Variants in IRF6 observed in about 807,000 individuals in gnomAD.
The protein encoded by IRF6 is interferon regulatory factor 6.
IRF6 carries 6 observed loss-of-function variants against 51.4 expected under a neutral mutation model. That is an observed-to-expected ratio of 0.12 (90% CI 0.06 to 0.23). The LOEUF (loss-of-function observed/expected upper bound fraction) is 0.23. Among genes scored for constraint, IRF6 ranks in the 10% least tolerant of loss-of-function variants. The pLI is 1.00. For missense variants in IRF6, 348 were observed against 585.2 expected, an observed-to-expected ratio of 0.59 and a Z score of 4.18; for synonymous variants, 178 against 215.7, an observed-to-expected ratio of 0.83 and a Z score of 1.53.
At chr1:209,795,532 A>G in intron 4 of IRF6, 114 bp from the exon 5 acceptor site, 1 of 1,480,138 alleles carries the variant, frequency 6.8e-7, no homozygotes, top group African/African-American at 1.4e-5. Flanking sequence ...CAGGTTCAGT[A>G]CACACCCTCA....
Position 209,790,426 on chromosome 1 carries a change from C to G in IRF6, c.1060+69G>C. ...GCCAGGAAAGCAGGAAGGTGAAAGA[C>G]AGGGATAGTGGAAGGAATGTACTTC... On this transcript the variant is annotated intron_variant, in intron 7 of 8. Transcript: ENST00000367021. This position sits in a 1 kb window ranked among gnomAD's most constrained non-coding sequence, Gnocchi z 4.8. 6.5e-7 allele frequency: 1 copy of G among 1,546,068 alleles called. No individual in the cohort carries two copies. The highest frequency in any genetic ancestry group is 8.9e-7 in the Non-Finnish European group (1 of 1,120,386).
intron 3 of IRF6, among the ~76,000 whole-genome samples, chr1:209,797,815 C>T (rs771510513): frequency 5.3e-5 from 8 of 152,196 alleles, no homozygotes; most frequent in Non-Finnish European, 1.2e-4. Context: ...CTAACAAGTT[C>T]TCTGATCTCT....
In IRF6 at chr1:209,790,305, C is replaced by T. The variant is rs1257971778; in HGVS notation, c.1060+190G>A. ...AAGTACATAGCTTTGGAGTGAAACT[C>T]CCTTCTTTGTTGCCTAGGTCACCTC... On this transcript the variant is annotated intron_variant, in intron 7 of 8. Transcript: ENST00000367021. This position sits in a 1 kb window ranked among gnomAD's most constrained non-coding sequence, Gnocchi z 4.8. 6.6e-6 allele frequency among the ~76,000 whole-genome samples: 1 copy of T among 152,210 alleles called. No individual in the cohort carries two copies. The highest frequency in any genetic ancestry group is 6.5e-5 in the Admixed American group (1 of 15,280).
chr1:209,796,710 C>T lies in IRF6; in HGVS notation c.175-158G>A, dbSNP rs60154756. Among the ~76,000 whole-genome samples the T allele has an allele frequency of 0.012, 1,751 of 151,376 alleles. 34 individuals carry two copies. The highest frequency in any genetic ancestry group is 0.039 in the African/African-American group (1,595 of 41,242). On this transcript the variant is annotated intron_variant, in intron 3 of 8. Transcript: ENST00000367021. This position sits in a 1 kb window ranked among gnomAD's most constrained non-coding sequence, Gnocchi z 4.5. Reference sequence around the variant, plus strand: ...CATGACTGCCCCATCATCCCAACCCCGATTTACAGAGACTGCAGCAGGAAA... The same window carrying T: ...CATGACTGCCCCATCATCCCAACCCTGATTTACAGAGACTGCAGCAGGAAA...
chr1:209,795,539 C>T (rs1022913921), intron 4 of IRF6, 121 bp from the exon 5 acceptor site: 2 of 1,414,646 alleles, frequency 1.4e-6, no homozygotes, highest in Middle Eastern at 2.4e-4. Flanking sequence ...AGTACACACC[C>T]TCAATGTCCT....
At chr1:209,795,441 C>T in intron 4 of IRF6, 23 bp from the exon 5 acceptor site, 1 of 1,613,236 alleles carries the variant, frequency 6.2e-7, no homozygotes, top group Non-Finnish European at 8.5e-7. Context: ...CACAAGCTCG[C>T]AGGTGAGCCA....
chr1:209,795,253 T>A, intron 5 of IRF6, 37 bp downstream of exon 5: 1 of 1,612,116 alleles, frequency 6.2e-7, no homozygotes, highest in South Asian at 1.1e-5. Flanking sequence ...CCTTACATCC[T>A]CCATATGTCT....
chr1:209,789,324 CAA>C (rs983621256), intron 8 of IRF6, among the ~76,000 whole-genome samples: 11 of 119,868 alleles, frequency 9.2e-5, no homozygotes, highest in South Asian at 2.7e-4. Context: ...ACCATGTCTC[CAA>C]AAAAAAAAAA....
At chr1:209,791,927 G>A (rs1040780785) in intron 6 of IRF6, among the ~76,000 whole-genome samples, 1 of 151,862 alleles carries the variant, frequency 6.6e-6, no homozygotes, top group Non-Finnish European at 1.5e-5. Flanking sequence ...CAGGGACCAT[G>A]GGCATGCACT....
rs1164474855 is a variant in IRF6 at position 209,785,969 on chromosome 1, CT to C, written c.*2450del. 1 of 152,180 alleles carries C rather than the reference CT, an allele frequency of 6.6e-6. No individual in the cohort carries two copies. 9.4% of individuals were successfully genotyped at this position (152,180 alleles called of 1,614,324 possible). ...TCTCCCAGTTTACCTCCAGTAGGTT[CT>C]TTTTAACTTGAACTAATCTTGTTTG... On this transcript the variant is annotated 3_prime_UTR_variant, in exon 9 of 9. Transcript: ENST00000367021.
At chr1:209,798,010 A>ATCCTTTGAGAGCTCTGATC (rs2077914546) in intron 3 of IRF6, among the ~76,000 whole-genome samples, 2 of 152,272 alleles carry the variant, frequency 1.3e-5, no homozygotes, top group South Asian at 4.1e-4. Flanking sequence ...TTTCTGCCCC[A>ATCCTTTGAGAGCTCTGATC]TCCTTTGAGA....
chr1:209,798,600 A>C lies in IRF6; in HGVS notation c.175-2048T>G, dbSNP rs147776589. Among the ~76,000 whole-genome samples, 1,394 of 152,298 alleles carry C rather than the reference A, an allele frequency of 9.2e-3. 17 individuals carry two copies. Among genetic ancestry groups the C allele is most frequent in the African/African-American group, 0.031 (1,307 of 41,560 alleles). On this transcript the variant is annotated intron_variant, in intron 3 of 8. Coordinates refer to ENST00000367021, the MANE Select transcript of IRF6 (RefSeq NM_006147.4). ...GATGCAGTGAAGAGCCGTATCGTTT[A>C]AGACTGGAACTTTAGAATCAAGAAA...
Position 209,797,757 on chromosome 1 carries a change from T to G in IRF6, c.175-1205A>C, listed in dbSNP as rs2077912096. On this transcript the variant is annotated intron_variant, in intron 3 of 8. Transcript: ENST00000367021. ...AGACACCTGGCCCTACTTTCAGCTCTAACAGGCATTCTTGTTTCTGCAATG... is the reference window on the plus strand; with the variant it reads ...AGACACCTGGCCCTACTTTCAGCTCGAACAGGCATTCTTGTTTCTGCAATG... Among the ~76,000 whole-genome samples the G allele has an allele frequency of 2.0e-5, 3 of 152,304 alleles. No individual in the cohort carries two copies. The South Asian group carries it at 6.2e-4, about 32-fold the overall frequency.
chr1:209,802,784 G>A (rs1330282215), intron 1 of IRF6, among the ~76,000 whole-genome samples: 4 of 152,168 alleles, frequency 2.6e-5, no homozygotes, highest in Admixed American at 6.5e-5. Context: ...GCTAAATATG[G>A]GAATAAACTG....
Position 209,796,634 on chromosome 1 carries a change from A to G in IRF6, c.175-82T>C, listed in dbSNP as rs113569623. The G allele has an allele frequency of 5.1e-6, 3 of 585,332 alleles. No individual in the cohort carries two copies. In the East Asian group the frequency reaches 8.8e-5, roughly 17 times the overall value. 36.3% of individuals were successfully genotyped at this position (585,332 alleles called of 1,614,324 possible). A position where few individuals can be genotyped will look rare whatever the true frequency, so the allele number is the denominator to read the frequency against. On this transcript the variant is annotated intron_variant, in intron 3 of 8. Transcript: ENST00000367021. This position sits in a 1 kb window ranked among gnomAD's most constrained non-coding sequence, Gnocchi z 4.5. ...GTGCTTACCCTTTCTCATAGACACA[A>G]ACACACACACACACACACACACACA...
chr1:209,801,418 TG>T lies in IRF6; in HGVS notation c.-3-3del, dbSNP rs778608344. ...TCTGCGGGGGTGGAGGGCCATGATC[TG>T]GGGGGGTCAGAGGGAGAAATGGGAA... On this transcript the variant is annotated splice_polypyrimidine_tract_variant and splice_region_variant and intron_variant, in intron 2 of 8. Transcript: ENST00000367021. 9.0e-6 allele frequency: 14 copies of T among 1,558,702 alleles called. No homozygotes were observed. Among genetic ancestry groups the T allele is most frequent in the Non-Finnish European group, 8.7e-6 (10 of 1,153,876 alleles).
intron 3 of IRF6, among the ~76,000 whole-genome samples, chr1:209,798,086 A>T (rs2077914850): frequency 6.6e-6 from 1 of 152,160 alleles, no homozygotes; most frequent in South Asian, 2.1e-4. Flanking sequence ...CTCAAAAGCT[A>T]ATCTAAATCC....
Position 209,796,674 on chromosome 1 carries a change from C to G in IRF6, c.175-122G>C. The G allele has an allele frequency of 1.3e-6, 1 of 773,038 alleles. No individual in the cohort carries two copies. Among genetic ancestry groups the G allele is most frequent in the East Asian group, 3.0e-5 (1 of 33,764 alleles). 47.9% of individuals were successfully genotyped at this position (773,038 alleles called of 1,614,324 possible). A position where few individuals can be genotyped will look rare whatever the true frequency, so the allele number is the denominator to read the frequency against. ...ACACACACACACACACACACACACA[C>G]ACAACTTTTGCATGACTGCCCCATC... On this transcript the variant is annotated intron_variant, in intron 3 of 8. Transcript: ENST00000367021. The surrounding 1 kb of genome is among the most constrained non-coding windows in gnomAD (Gnocchi z 4.5).
rs190332566 is a variant in IRF6, at chr1:209,789,792, A to G, written c.1061-7T>C. 202 of 1,600,270 alleles carry G rather than the reference A, an allele frequency of 1.3e-4. 1 individual carries two copies. The highest frequency in any genetic ancestry group is 1.6e-4 in the Non-Finnish European group (183 of 1,167,988). On this transcript the variant is annotated splice_region_variant and splice_polypyrimidine_tract_variant and intron_variant, in intron 7 of 8. Transcript: ENST00000367021. ...TTCTGGTGGGCAATGAGATCTGCAG[A>G]AAGTGGAAGAGCAAGTTTGGTATAC...
Sources: gnomAD v4.1 joint callset for allele counts (sites outside exome capture counted in the v4.1 genomes callset) on GRCh38, gnomAD v4.1.1 for gene constraint, Gnocchi (gnomAD v3.1) non-coding constraint, MANE v1.5 for transcripts, NCBI Gene and HGNC (gene_info 2026-07-23, HGNC 2026-07-21) for gene names.